GALNT13: variants seen among roughly 807,000 people sequenced by gnomAD.
GALNT13 encodes the protein polypeptide N-acetylgalactosaminyltransferase 13, also known as UDP-GalNAc:polypeptide N-acetylgalactosaminyltransferase 13.
In GALNT13, 28 loss-of-function variants were observed where a neutral mutation model predicts 64.2. The observed-to-expected ratio is 0.44, with a 90% CI of 0.32 to 0.60. GALNT13 has a LOEUF of 0.60. Among genes scored for constraint, GALNT13 ranks in the 20% least tolerant of loss-of-function variants. The probability of loss-of-function intolerance (pLI) is 0.05; values close to 1 mark genes in which losing one functional copy is unlikely to be tolerated. For synonymous variants in GALNT13, 214 were observed against 224.6 expected, an observed-to-expected ratio of 0.95 and a Z score of 0.42; for missense variants, 577 against 669.8, an observed-to-expected ratio of 0.86 and a Z score of 1.53.
the GALNT13 span, among the ~76,000 whole-genome samples, chr2:153,814,461 GTAAGTAAATAAA>G: frequency 8.4e-4 from 65 of 77,396 alleles, no homozygotes; most frequent in Non-Finnish European, 1.9e-3. Context: ...AAGTAAGTAA[GTAAGTAAATAAA>G]TAAATAAATA....
chr2:153,612,519 A>T, the GALNT13 span, among the ~76,000 whole-genome samples: 3 of 152,294 alleles, frequency 2.0e-5, no homozygotes, highest in Non-Finnish European at 4.4e-5. Flanking sequence ...AAAAAAATGG[A>T]AACAACAAAA....
At chr2:154,060,603 G>A (rs955117354) in intron 3 of GALNT13, among the ~76,000 whole-genome samples, 4 of 151,966 alleles carry the variant, frequency 2.6e-5, no homozygotes, top group Non-Finnish European at 5.9e-5. Context: ...TGATTTCCCC[G>A]GCCTAGGGCT....
the GALNT13 span, among the ~76,000 whole-genome samples, chr2:153,196,201 C>G: frequency 6.6e-6 from 1 of 152,186 alleles, no homozygotes; most frequent in Non-Finnish European, 1.5e-5. Context: ...GGGGACCCAC[C>G]TGTTTCCGCC....
chr2:153,443,222 T>C, the GALNT13 span, among the ~76,000 whole-genome samples: 1 of 152,184 alleles, frequency 6.6e-6, no homozygotes, highest in African/African-American at 2.4e-5. Flanking sequence ...GCAAACACTG[T>C]GGGAAAAGTG....
the GALNT13 span, among the ~76,000 whole-genome samples, chr2:153,809,556 A>G: frequency 4.7e-4 from 72 of 152,312 alleles, 1 homozygote; most frequent in Admixed American, 8.5e-4. Context: ...TTGCCTGTAT[A>G]TCTTTGAGCA....
chr2:154,253,860 A>G (rs1473049508), intron 7 of GALNT13, among the ~76,000 whole-genome samples: 1 of 152,204 alleles, frequency 6.6e-6, no homozygotes, highest in East Asian at 1.9e-4. Flanking sequence ...TTATTCAGTA[A>G]ATATCCATTA....
At chr2:154,165,617 A>AT (rs1191303273) in intron 4 of GALNT13, among the ~76,000 whole-genome samples, 31 of 152,184 alleles carry the variant, frequency 2.0e-4, no homozygotes, top group Non-Finnish European at 4.4e-5. Context: ...AATTCTTGCA[A>AT]TTTAACTTAA....
intron 2 of GALNT13, 69 bp from the exon 3 acceptor site, chr2:153,944,325 T>A: frequency 1.9e-6 from 1 of 540,392 alleles, no homozygotes; most frequent in South Asian, 3.1e-5. Context: ...ATACATTTCA[T>A]GTTATATGTT....
intron 4 of GALNT13, among the ~76,000 whole-genome samples, chr2:154,172,543 T>C (rs1000935721): frequency 2.8e-4 from 43 of 152,076 alleles, no homozygotes; most frequent in African/African-American, 8.9e-4. Flanking sequence ...ACACGTAGTA[T>C]TTATTTTTTT....
intron 3 of GALNT13, among the ~76,000 whole-genome samples, chr2:153,974,662 A>T (rs1364979016): frequency 6.6e-6 from 1 of 152,060 alleles, no homozygotes; most frequent in Admixed American, 6.6e-5. Context: ...TTAGGAATGG[A>T]GGAAGAGTTC....
At chr2:153,147,231 C>T in the GALNT13 span, among the ~76,000 whole-genome samples, 1 of 151,792 alleles carries the variant, frequency 6.6e-6, no homozygotes, top group African/African-American at 2.4e-5. Flanking sequence ...ACGCTCTGAT[C>T]CTGCTGGAGC....
intron 3 of GALNT13, among the ~76,000 whole-genome samples, chr2:153,993,120 A>G (rs1250202488): frequency 1.3e-5 from 2 of 152,120 alleles, no homozygotes; most frequent in Non-Finnish European, 2.9e-5. Context: ...AATATATTTT[A>G]TATTTTTACC....
the GALNT13 span, among the ~76,000 whole-genome samples, chr2:153,542,739 C>G: frequency 6.6e-6 from 1 of 152,130 alleles, no homozygotes; most frequent in Non-Finnish European, 1.5e-5. Flanking sequence ...AGTTGCATAG[C>G]TAGGCCTAGG....
intron 4 of GALNT13, among the ~76,000 whole-genome samples, chr2:154,148,733 A>C (rs572429534): frequency 1.5e-4 from 23 of 152,242 alleles, no homozygotes; most frequent in Non-Finnish European, 2.9e-4. Flanking sequence ...TCTTTTGAGA[A>C]GTGTCTGTTC....
At chr2:153,373,672 T>C in the GALNT13 span, among the ~76,000 whole-genome samples, 1 of 152,202 alleles carries the variant, frequency 6.6e-6, no homozygotes, top group African/African-American at 2.4e-5. Flanking sequence ...TTAACCACCA[T>C]TCATCTTCAG....
intron 3 of GALNT13, among the ~76,000 whole-genome samples, chr2:154,097,593 C>T (rs2105454464): frequency 6.6e-6 from 1 of 152,030 alleles, no homozygotes; most frequent in Admixed American, 6.6e-5. Flanking sequence ...AATTATGACA[C>T]TTCATCCGAT....
At chr2:153,490,600 G>T in the GALNT13 span, among the ~76,000 whole-genome samples, 1 of 152,072 alleles carries the variant, frequency 6.6e-6, no homozygotes, top group African/African-American at 2.4e-5. Context: ...TTTTACAAAT[G>T]TTGCCTCAAC....
the GALNT13 span, among the ~76,000 whole-genome samples, chr2:153,253,863 G>A: frequency 5.9e-5 from 9 of 152,146 alleles, no homozygotes; most frequent in East Asian, 9.6e-4. Context: ...TGCTGGATTC[G>A]GTTTGCCAGT....
At chr2:153,585,115 T>G in the GALNT13 span, among the ~76,000 whole-genome samples, 1 of 152,154 alleles carries the variant, frequency 6.6e-6, no homozygotes, top group Non-Finnish European at 1.5e-5. Flanking sequence ...CTCAAAATAT[T>G]GATTTTTAAA....
Sources: gnomAD v4.1 joint callset for allele counts (sites outside exome capture counted in the v4.1 genomes callset) on GRCh38, gnomAD v4.1.1 for gene constraint, MANE v1.5 for transcripts, NCBI Gene and HGNC (gene_info 2026-07-23, HGNC 2026-07-21) for gene names.